The following RBP7 variants were observed in gnomAD, a reference collection of about 807,000 sequenced individuals.
RBP7 encodes retinol binding protein 7, also known as retinoid-binding protein 7.
A neutral mutation model predicts 16.7 loss-of-function variants in RBP7; 13 were observed. The ratio of observed to expected loss-of-function variants is 0.78; its 90% CI spans 0.51 to 1.24. RBP7 has a LOEUF of 1.24. Ranked by LOEUF, RBP7 falls within the 50% of genes most tolerant of loss-of-function variation. RBP7 has a pLI of 0.00. For synonymous variants in RBP7, 54 were observed against 56.2 expected, an observed-to-expected ratio of 0.96 and a Z score of 0.17; for missense variants, 145 against 159.5, an observed-to-expected ratio of 0.91 and a Z score of 0.49.
In RBP7 at chr1:9,997,422, C is replaced by T; in HGVS notation, c.73+91C>T. 7.9e-7 allele frequency: 1 copy of T among 1,267,618 alleles called. No homozygotes were observed. The highest frequency in any genetic ancestry group is 1.9e-5 in the Admixed American group (1 of 53,760). The allele number at this position is 1,267,618 out of a possible 1,614,324, so 78.5% of individuals were successfully genotyped here. On this transcript the variant is annotated intron_variant, in intron 1 of 3. Coordinates refer to ENST00000294435, the MANE Select transcript of RBP7 (RefSeq NM_052960.3). This position sits in a 1 kb window ranked among gnomAD's most constrained non-coding sequence, Gnocchi z 5.9. ...GCCGGGCCGGGCCTGTAGGTACGTC[C>T]TCTGTCCGTGCCTCCGCCCTGCTGC...
At chr1:10,004,590 G>C (rs767544570) in intron 1 of RBP7, among the ~76,000 whole-genome samples, 1 of 152,062 alleles carries the variant, frequency 6.6e-6, no homozygotes, top group Non-Finnish European at 1.5e-5. Context: ...GGTCAGGCTG[G>C]TCGCGTTGGT....
chr1:10,007,631 G>A lies in RBP7; in HGVS notation c.135G>A (p.Gln45=), dbSNP rs1308624695. 1 of 1,614,084 alleles carries A rather than the reference G, an allele frequency of 6.2e-7. No homozygotes were observed. Among genetic ancestry groups the A allele is most frequent in the South Asian group, 1.1e-5 (1 of 91,088 alleles). ...TGAAGCCACAGAAAGTGATTGAGCA[G>A]AATGGGGATTCTTTTACCATCCACA... ...KLLKPQKVIE[Q]NGDSFTIHTN... is the part of the protein sequence containing the mutation. Residue 45 remains glutamine (Q), a synonymous_variant, in exon 2 of 4, where the codon CAG becomes CAA. Coordinates refer to ENST00000294435, the MANE Select transcript of RBP7 (RefSeq NM_052960.3).
At chr1:9,999,780 A>T (rs557013529) in intron 1 of RBP7, among the ~76,000 whole-genome samples, 146 of 150,142 alleles carry the variant, frequency 9.7e-4, no homozygotes, top group African/African-American at 3.4e-3. Context: ...CACTTATAGC[A>T]CTAGAGTGGT....
At chr1:10,013,221 C>T (rs568774018) in intron 3 of RBP7, among the ~76,000 whole-genome samples, 14 of 151,660 alleles carry the variant, frequency 9.2e-5, no homozygotes, top group African/African-American at 2.7e-4. Flanking sequence ...TACAGGCGCC[C>T]GCTACCATGC....
At chr1:10,009,318 G>A (rs992666698) in intron 3 of RBP7, among the ~76,000 whole-genome samples, 4 of 152,178 alleles carry the variant, frequency 2.6e-5, no homozygotes, top group African/African-American at 9.6e-5. Context: ...GCTGAGGCAG[G>A]AGAATTGCTA....
chr1:10,009,498 C>T (rs142315941), intron 3 of RBP7, among the ~76,000 whole-genome samples: 1 of 151,616 alleles, frequency 6.6e-6, no homozygotes, highest in African/African-American at 2.4e-5. Context: ...GTCAGTACAC[C>T]CAAGCTGAAA....
At position 10,015,933 on chromosome 1, in the gene RBP7, C is replaced by T. The variant is rs565072666; in HGVS notation, c.*101C>T. 1.4e-4 allele frequency: 157 copies of T among 1,116,334 alleles called. 2 individuals carry two copies. The South Asian group carries it at 1.7e-3, about 12-fold the overall frequency. The allele number at this position is 1,116,334 out of a possible 1,614,324, so 69.2% of individuals were successfully genotyped here. A position where few individuals can be genotyped will look rare whatever the true frequency, so the allele number is the denominator to read the frequency against. ...TCTATCCCATTTGGCGACGAGGACT[C>T]GTGGCTGGAGAGAGCCACACAGCGT... On this transcript the variant is annotated 3_prime_UTR_variant, in exon 4 of 4. Transcript: ENST00000294435.
At chr1:10,012,658 C>T (rs952461916) in intron 3 of RBP7, among the ~76,000 whole-genome samples, 16 of 150,554 alleles carry the variant, frequency 1.1e-4, no homozygotes, top group African/African-American at 3.9e-4. Flanking sequence ...GAAGGCTGGG[C>T]ATGGTGGCTC....
chr1:10,004,396 A>C, intron 1 of RBP7: 1 of 149,628 alleles, frequency 6.7e-6, no homozygotes, highest in Non-Finnish European at 1.5e-5. Context: ...TGATTTTGAG[A>C]TGGAGTTTCC....
intron 3 of RBP7, among the ~76,000 whole-genome samples, chr1:10,015,000 G>T (rs1451589836): frequency 1.3e-5 from 2 of 152,194 alleles, no homozygotes; most frequent in African/African-American, 2.4e-5. Context: ...GACTGGAAAA[G>T]ACATCACACA....
intron 3 of RBP7, 62 bp downstream of exon 3, chr1:10,008,336 C>G: frequency 9.1e-7 from 1 of 1,104,708 alleles, no homozygotes; most frequent in Non-Finnish European, 1.4e-6. Flanking sequence ...TCAGGCCAAG[C>G]GTGGTGGCTC....
At position 10,015,910 on chromosome 1, in the gene RBP7, T is replaced by G; in HGVS notation, c.*78T>G. On this transcript the variant is annotated 3_prime_UTR_variant, in exon 4 of 4. Coordinates refer to ENST00000294435, the MANE Select transcript of RBP7 (RefSeq NM_052960.3). ...ATTGCAGACTGAACAGACGTTTATC[T>G]ATCCCATTTGGCGACGAGGACTCGT... 1 of 1,410,784 alleles carries G rather than the reference T, an allele frequency of 7.1e-7. No homozygotes were observed. The allele number at this position is 1,410,784 out of a possible 1,614,324, so 87.4% of individuals were successfully genotyped here.
At chr1:10,013,424 G>C (rs567949828) in intron 3 of RBP7, among the ~76,000 whole-genome samples, 1 of 151,960 alleles carries the variant, frequency 6.6e-6, no homozygotes, top group Admixed American at 6.6e-5. Context: ...GTTCACTTCC[G>C]TAATCCCAGC....
At chr1:10,006,031 C>T (rs1448168143) in intron 1 of RBP7, among the ~76,000 whole-genome samples, 1 of 152,166 alleles carries the variant, frequency 6.6e-6, no homozygotes, top group Non-Finnish European at 1.5e-5. Flanking sequence ...ATCTGTGTGG[C>T]TTGATTCTTT....
At chr1:10,006,727 G>A (rs1642449844) in intron 1 of RBP7, among the ~76,000 whole-genome samples, 1 of 94,044 alleles carries the variant, frequency 1.1e-5, no homozygotes, top group Non-Finnish European at 2.2e-5. Flanking sequence ...AAGTATATAC[G>A]TGTGTGTGTG....
chr1:10,013,111 C>T (rs546366789), intron 3 of RBP7, among the ~76,000 whole-genome samples: 40 of 145,006 alleles, frequency 2.8e-4, no homozygotes, highest in African/African-American at 1.0e-3. Context: ...CTCACTCTGT[C>T]GCCCATCCTG....
At chr1:10,004,363 C>G (rs1247902392) in intron 1 of RBP7, 2 of 151,350 alleles carry the variant, frequency 1.3e-5, no homozygotes, top group African/African-American at 4.9e-5. Context: ...AGCCACTGCG[C>G]CCAGCCAGAT....
At chr1:10,000,683 G>A (rs984630417) in intron 1 of RBP7, among the ~76,000 whole-genome samples, 1 of 152,042 alleles carries the variant, frequency 6.6e-6, no homozygotes, top group Admixed American at 6.6e-5. Flanking sequence ...CACAGATATA[G>A]TACTTAGATC....
intron 1 of RBP7, among the ~76,000 whole-genome samples, chr1:10,003,423 T>G (rs1025008619): frequency 1.3e-5 from 2 of 152,078 alleles, no homozygotes; most frequent in Non-Finnish European, 2.9e-5. Context: ...AGCAAAACTC[T>G]GTCTGAATAA....
Sources: gnomAD v4.1 joint callset for allele counts (sites outside exome capture counted in the v4.1 genomes callset) on GRCh38, gnomAD v4.1.1 for gene constraint, Gnocchi (gnomAD v3.1) non-coding constraint, MANE v1.5 for transcripts, NCBI Gene and HGNC (gene_info 2026-07-23, HGNC 2026-07-21) for gene names.